CDH4: variants seen among roughly 807,000 people sequenced by gnomAD.
CDH4 encodes cadherin-4.
CDH4 carries 33 observed loss-of-function variants against 86.0 expected under a neutral mutation model. The ratio of observed to expected loss-of-function variants is 0.38; its 90% CI spans 0.29 to 0.51. The LOEUF (loss-of-function observed/expected upper bound fraction) is 0.51. Ranked by LOEUF, CDH4 falls within the 20% of genes least tolerant of loss-of-function variation. The pLI is 0.86. For missense variants in CDH4, 1,114 were observed against 1,307.4 expected, an observed-to-expected ratio of 0.85 and a Z score of 2.28; for synonymous variants, 555 against 549.4, an observed-to-expected ratio of 1.01 and a Z score of -0.14.
intron 4 of CDH4, among the ~76,000 whole-genome samples, chr20:61,843,900 A>G (rs1292569440): frequency 3.3e-5 from 5 of 152,090 alleles, no homozygotes; most frequent in Non-Finnish European, 7.4e-5. Flanking sequence ...GCCTCCCCCA[A>G]CTTCCCTGAG....
At position 61,899,563 on chromosome 20, in the gene CDH4, A is replaced by G. The variant is rs548365673; in HGVS notation, c.1188+4516A>G. ...CTACCTCAGCCTCCCGAGTAGCTGG[A>G]ACTACAGGCGCCTGCCACCACGCCC... On this transcript the variant is annotated intron_variant, in intron 8 of 15. Transcript: ENST00000614565. Among the ~76,000 whole-genome samples the G allele has an allele frequency of 2.2e-3, 328 of 151,992 alleles. 2 individuals are homozygous for G. Among genetic ancestry groups the G allele is most frequent in the African/African-American group, 7.5e-3 (313 of 41,494 alleles).
At chr20:61,925,390 C>T (rs779028899) in intron 11 of CDH4, among the ~76,000 whole-genome samples, 15 of 152,190 alleles carry the variant, frequency 9.9e-5, no homozygotes, top group South Asian at 2.1e-4. Context: ...AAGACGTGAC[C>T]GCTCTGTGCC....
At chr20:61,389,894 A>C (rs2084972276) in intron 2 of CDH4, among the ~76,000 whole-genome samples, 2 of 151,596 alleles carry the variant, frequency 1.3e-5, no homozygotes, top group African/African-American at 2.4e-5. Context: ...TCGTGCGGTC[A>C]TAGGGTGCCC....
At chr20:61,923,881 C>T (rs537663635) in intron 10 of CDH4, among the ~76,000 whole-genome samples, 177 bp downstream of exon 10, 11 of 152,218 alleles carry the variant, frequency 7.2e-5, no homozygotes, top group Non-Finnish European at 1.2e-4. Flanking sequence ...TCCCAGATAG[C>T]CAGATGCAGC....
intron 2 of CDH4, among the ~76,000 whole-genome samples, chr20:61,720,393 G>T (rs1393852599): frequency 2.6e-5 from 4 of 151,902 alleles, no homozygotes; most frequent in African/African-American, 7.3e-5. Flanking sequence ...GAGTGTAGGG[G>T]TGCAGGGGTG....
intron 1 of CDH4, among the ~76,000 whole-genome samples, chr20:61,254,290 C>A (rs1051285351): frequency 1.3e-5 from 2 of 152,228 alleles, no homozygotes; most frequent in Admixed American, 6.5e-5. Flanking sequence ...CTTCTTCGAC[C>A]GGCTCCGGAC....
intron 8 of CDH4, among the ~76,000 whole-genome samples, chr20:61,903,371 C>T (rs2054750225): frequency 6.6e-6 from 1 of 151,972 alleles, no homozygotes; most frequent in Admixed American, 6.6e-5. Context: ...CATGGTGAAA[C>T]CCCGTCTCTA....
intron 2 of CDH4, among the ~76,000 whole-genome samples, chr20:61,456,234 A>G (rs974287592): frequency 6.6e-6 from 1 of 152,214 alleles, no homozygotes; most frequent in African/African-American, 2.4e-5. Flanking sequence ...TGAGTTCACC[A>G]TCTCTACCCT....
At chr20:61,843,322 C>T (rs866361387) in intron 4 of CDH4, among the ~76,000 whole-genome samples, 173 of 151,434 alleles carry the variant, frequency 1.1e-3, no homozygotes, top group African/African-American at 3.9e-3. Flanking sequence ...CGGTGGCGGG[C>T]GCCTGTAGTC....
At chr20:61,464,921 T>C (rs2085464455) in intron 2 of CDH4, among the ~76,000 whole-genome samples, 1 of 152,372 alleles carries the variant, frequency 6.6e-6, no homozygotes, top group South Asian at 2.1e-4. Context: ...GCTCTTTTTA[T>C]CCAGGTCATG....
chr20:61,358,862 G>A (rs543050606), intron 2 of CDH4, among the ~76,000 whole-genome samples: 20 of 152,304 alleles, frequency 1.3e-4, no homozygotes, highest in African/African-American at 2.2e-4. Context: ...ACAGGGAGCC[G>A]TCATGCGGCA....
intron 2 of CDH4, among the ~76,000 whole-genome samples, chr20:61,398,646 G>A (rs578241924): frequency 6.7e-6 from 1 of 148,246 alleles, no homozygotes; most frequent in South Asian, 2.2e-4. Flanking sequence ...ACACCATGGA[G>A]TTTCATCCAC....
intron 9 of CDH4, among the ~76,000 whole-genome samples, chr20:61,916,874 G>A (rs969679593): frequency 6.6e-6 from 1 of 152,196 alleles, no homozygotes; most frequent in Admixed American, 6.5e-5. Flanking sequence ...TTCTAGCTGG[G>A]TCCCCCCAGG....
intron 2 of CDH4, among the ~76,000 whole-genome samples, chr20:61,555,851 C>G (rs930717628): frequency 2.6e-5 from 4 of 152,176 alleles, no homozygotes; most frequent in Non-Finnish European, 5.9e-5. Flanking sequence ...GATACAATCC[C>G]GTTTCTGGCA....
intron 2 of CDH4, among the ~76,000 whole-genome samples, chr20:61,726,506 T>C (rs1349000629): frequency 6.6e-6 from 1 of 152,156 alleles, no homozygotes; most frequent in East Asian, 1.9e-4. Context: ...AGTGAGGTGC[T>C]CTGTGTCTCG....
At chr20:61,641,447 C>CT (rs1433373832) in intron 2 of CDH4, among the ~76,000 whole-genome samples, 3 of 152,198 alleles carry the variant, frequency 2.0e-5, no homozygotes, top group Admixed American at 2.0e-4. Context: ...TCCCAACCCC[C>CT]TGCTACCCCA....
At chr20:61,682,268 AGATG>A (rs369552344) in intron 2 of CDH4, among the ~76,000 whole-genome samples, 1 of 138,154 alleles carries the variant, frequency 7.2e-6, no homozygotes, top group Non-Finnish European at 1.5e-5. Context: ...ATAGAGGAAC[AGATG>A]GATGGATGGA....
chr20:61,800,462 G>A (rs868351146), intron 4 of CDH4, among the ~76,000 whole-genome samples: 4 of 152,234 alleles, frequency 2.6e-5, no homozygotes, highest in East Asian at 1.9e-4. Context: ...ATGGCTCCAC[G>A]GGGGATGGTG....
intron 4 of CDH4, among the ~76,000 whole-genome samples, chr20:61,839,828 CTGTG>C (rs956261177): frequency 6.7e-5 from 10 of 149,458 alleles, no homozygotes; most frequent in Non-Finnish European, 1.3e-4. Flanking sequence ...TGTTGTGTGT[CTGTG>C]TGTAGGTATG....
Sources: allele counts gnomAD v4.1 joint callset (sites outside exome capture counted in the v4.1 genomes callset), GRCh38; gene constraint gnomAD v4.1.1; transcripts MANE v1.5; gene names NCBI Gene and HGNC (gene_info 2026-07-23, HGNC 2026-07-21).